TSPEAR: variants seen among roughly 807,000 people sequenced by gnomAD.
TSPEAR encodes the protein thrombospondin-type laminin G domain and EAR repeat-containing protein.
TSPEAR carries 69 observed loss-of-function variants against 71.6 expected under a neutral mutation model. The observed-to-expected ratio is 0.96, with a 90% CI of 0.79 to 1.18. The LOEUF (loss-of-function observed/expected upper bound fraction) is 1.18, where lower values mean the gene tolerates loss of function less well. Ranked by LOEUF, TSPEAR falls within the 50% of genes most tolerant of loss-of-function variation. The probability of loss-of-function intolerance (pLI) is 0.00; values close to 1 mark genes in which losing one functional copy is unlikely to be tolerated. For synonymous variants in TSPEAR, 402 were observed against 387.2 expected (o/e 1.04, Z -0.45); for missense variants, 971 against 894.9 (o/e 1.09, Z -1.09).
intron 1 of TSPEAR, among the ~76,000 whole-genome samples, chr21:44,640,016 C>T (rs1983933902): frequency 6.6e-6 from 1 of 152,160 alleles, no homozygotes; most frequent in African/African-American, 2.4e-5. Flanking sequence ...GACCCTGTGA[C>T]CCTGTCAGTC....
chr21:44,518,801 C>G (rs2052668201), intron 9 of TSPEAR: 1 of 429,582 alleles, frequency 2.3e-6, no homozygotes. Flanking sequence ...TCTGGCAAAG[C>G]TCCTCAAACA....
chr21:44,559,944 G>A (rs2053608942), intron 2 of TSPEAR, among the ~76,000 whole-genome samples: 1 of 152,172 alleles, frequency 6.6e-6, no homozygotes, highest in Non-Finnish European at 1.5e-5. Context: ...CCTTTGATGA[G>A]TATGGCTAAG....
chr21:44,549,131 C>G (rs2053354525), intron 2 of TSPEAR, among the ~76,000 whole-genome samples: 1 of 152,218 alleles, frequency 6.6e-6, no homozygotes, highest in African/African-American at 2.4e-5. Context: ...ACCACACAAT[C>G]TAAGCTAGAC....
intron 1 of TSPEAR, among the ~76,000 whole-genome samples, chr21:44,689,394 C>G (rs1227577316): frequency 6.6e-6 from 1 of 150,972 alleles, no homozygotes; most frequent in African/African-American, 2.4e-5. Context: ...CCCAGCTACT[C>G]AGGAGGCTGA....
chr21:44,503,649 A>T (rs1162600270), intron 11 of TSPEAR, among the ~76,000 whole-genome samples: 1 of 109,838 alleles, frequency 9.1e-6, no homozygotes, highest in African/African-American at 3.8e-5. Context: ...CCTTGGGGGG[A>T]AGCCGGCCTT....
intron 8 of TSPEAR, among the ~76,000 whole-genome samples, chr21:44,524,988 C>CAGTG (rs1229310607): frequency 6.6e-6 from 1 of 150,900 alleles, no homozygotes. Flanking sequence ...GTCAGTCAGT[C>CAGTG]AGTGAGGCAG....
chr21:44,705,576 C>T (rs1030493002), intron 1 of TSPEAR, among the ~76,000 whole-genome samples: 50 of 152,194 alleles, frequency 3.3e-4, no homozygotes, highest in Non-Finnish European at 3.4e-4. Context: ...CTGGCCCCCC[C>T]GGGGCGTACC....
At chr21:44,654,189 G>A in intron 1 of TSPEAR, 1 of 1,089,420 alleles carries the variant, frequency 9.2e-7, no homozygotes. Context: ...GTTTGCTGTG[G>A]GAGGATGTGG....
chr21:44,541,196 C>T (rs144886732), intron 2 of TSPEAR, among the ~76,000 whole-genome samples: 2 of 152,288 alleles, frequency 1.3e-5, no homozygotes, highest in East Asian at 3.9e-4. Context: ...GTTCACCACT[C>T]AGTCTTCAAA....
rs1466744849 is a variant in TSPEAR, at chr21:44,711,291, AG to A, written c.82+141del. 7.1e-6 allele frequency: 5 copies of A among 699,908 alleles called. No individual in the cohort carries two copies. Among genetic ancestry groups the A allele is most frequent in the Non-Finnish European group, 1.2e-5 (5 of 413,980 alleles). The allele number at this position is 699,908 out of a possible 1,614,324, so 43.4% of individuals were successfully genotyped here. ...TCCTCCCGCCTCTGCCCATCTCCAC[AG>A]GGTGCTACCTGCCAGTCCTGCCAAA... On this transcript the variant is annotated intron_variant, in intron 1 of 11. Transcript: ENST00000323084. This position sits in a 1 kb window ranked among gnomAD's most constrained non-coding sequence, Gnocchi z 4.5.
At chr21:44,686,305 AG>A (rs1257751956) in intron 1 of TSPEAR, 1 of 152,968 alleles carries the variant, frequency 6.5e-6, no homozygotes, top group Non-Finnish European at 1.5e-5. Flanking sequence ...GAGAGGGCAG[AG>A]GAGGAAAACC....
In TSPEAR at chr21:44,612,968, G is replaced by C; in HGVS notation, c.83-44963C>G. 6.5e-7 allele frequency: 1 copy of C among 1,550,364 alleles called. No homozygotes were observed. Among genetic ancestry groups the C allele is most frequent in the Middle Eastern group, 2.2e-4 (1 of 4,446 alleles). Reference sequence around the variant, plus strand: ...CGGTCCTGTCCTGGGTTAAGTGGCTGCCCCTACCTGGGATGGGGTCTCCAT... The same window carrying C: ...CGGTCCTGTCCTGGGTTAAGTGGCTCCCCCTACCTGGGATGGGGTCTCCAT... On this transcript the variant is annotated intron_variant, in intron 1 of 11. Coordinates refer to ENST00000323084, the MANE Select transcript of TSPEAR (RefSeq NM_144991.3). This position sits in a 1 kb window ranked among gnomAD's most constrained non-coding sequence, Gnocchi z 4.1.
At chr21:44,577,160 A>C (rs1978512328) in intron 1 of TSPEAR, among the ~76,000 whole-genome samples, 1 of 152,248 alleles carries the variant, frequency 6.6e-6, no homozygotes, top group South Asian at 2.1e-4. Context: ...GAAAATGCAT[A>C]GTAATTTGTT....
chr21:44,653,147 A>G (rs1036647777), intron 1 of TSPEAR, among the ~76,000 whole-genome samples: 12 of 151,596 alleles, frequency 7.9e-5, no homozygotes, highest in Admixed American at 2.0e-4. Context: ...ACAGAGCGAG[A>G]CTCCATCTCA....
intron 2 of TSPEAR, among the ~76,000 whole-genome samples, chr21:44,565,512 T>G (rs1664591365): frequency 6.6e-6 from 1 of 152,208 alleles, no homozygotes; most frequent in Non-Finnish European, 1.5e-5. Flanking sequence ...AGAAGAGTTA[T>G]ACACCATGGC....
At chr21:44,626,479 G>T (rs1284479791) in intron 1 of TSPEAR, among the ~76,000 whole-genome samples, 3 of 152,190 alleles carry the variant, frequency 2.0e-5, no homozygotes, top group Non-Finnish European at 4.4e-5. Context: ...TACTTCACGG[G>T]TTCAGAACCC....
At chr21:44,544,464 A>C (rs896808135) in intron 2 of TSPEAR, among the ~76,000 whole-genome samples, 2 of 152,220 alleles carry the variant, frequency 1.3e-5, no homozygotes, top group African/African-American at 4.8e-5. Context: ...AGAAAAGGAA[A>C]AGTCCCAAAT....
At chr21:44,503,622 G>A (rs1440969532) in intron 11 of TSPEAR, among the ~76,000 whole-genome samples, 3 of 128,400 alleles carry the variant, frequency 2.3e-5, no homozygotes, top group African/African-American at 3.1e-5. Context: ...GCTGGGAGGA[G>A]GCCGGCCTTG....
chr21:44,573,698 A>ACTCG (rs1978294411), intron 1 of TSPEAR: 22 of 1,575,674 alleles, frequency 1.4e-5, no homozygotes, highest in Non-Finnish European at 1.8e-5. Context: ...CACCTCACTC[A>ACTCG]CTCGCTCACC....
Sources: gnomAD v4.1 joint callset for allele counts (sites outside exome capture counted in the v4.1 genomes callset) on GRCh38, gnomAD v4.1.1 for gene constraint, Gnocchi (gnomAD v3.1) non-coding constraint, MANE v1.5 for transcripts, NCBI Gene and HGNC (gene_info 2026-07-23, HGNC 2026-07-21) for gene names.